ROCK1: variants seen among roughly 807,000 people sequenced by gnomAD.
ROCK1 encodes the protein rho-associated protein kinase 1.
In ROCK1, 36 loss-of-function variants were observed where a neutral mutation model predicts 196.8. The ratio of observed to expected loss-of-function variants is 0.18; its 90% CI spans 0.14 to 0.24. The LOEUF (loss-of-function observed/expected upper bound fraction) is 0.24, where lower values mean the gene tolerates loss of function less well. Among genes scored for constraint, ROCK1 ranks in the 10% least tolerant of loss-of-function variants. The pLI, the probability that ROCK1 is intolerant of heterozygous loss-of-function variation, is 1.00. For synonymous variants in ROCK1, 443 were observed against 515.9 expected (o/e 0.86, Z 1.91); for missense variants, 920 against 1,562.0 (o/e 0.59, Z 6.93).
intron 16 of ROCK1, among the ~76,000 whole-genome samples, chr18:21,002,785 A>G (rs1164317985): frequency 1.3e-5 from 2 of 152,196 alleles, no homozygotes; most frequent in African/African-American, 4.8e-5. Flanking sequence ...TCTGTTGCCC[A>G]GGCTGAAGTA....
Position 20,992,473 on chromosome 18 carries a change from C to T in ROCK1, c.1992+358G>A, listed in dbSNP as rs116590362. 7.3e-3 allele frequency among the ~76,000 whole-genome samples: 1,115 copies of T among 152,300 alleles called. 17 individuals are homozygous for T. Among genetic ancestry groups the T allele is most frequent in the African/African-American group, 0.025 (1,051 of 41,564 alleles). On this transcript the variant is annotated intron_variant, in intron 17 of 32. Transcript: ENST00000399799. ...CAGAACAGGTACTCATCATCTACCACGTACTGATCTGTTGTTTTCCTTCTT... is the reference window on the plus strand; with the variant it reads ...CAGAACAGGTACTCATCATCTACCATGTACTGATCTGTTGTTTTCCTTCTT...
At chr18:20,988,409 C>T (rs1441493973) in intron 18 of ROCK1, among the ~76,000 whole-genome samples, 3 of 152,120 alleles carry the variant, frequency 2.0e-5, no homozygotes, top group Non-Finnish European at 4.4e-5. Context: ...TATACCTCGA[C>T]TTCTTTCCCT....
intron 8 of ROCK1, among the ~76,000 whole-genome samples, chr18:21,041,882 T>A (rs1388445649): frequency 3.3e-5 from 5 of 152,194 alleles, no homozygotes; most frequent in Non-Finnish European, 7.4e-5. Context: ...AGTTTAGCCA[T>A]CAGCCAAGAC....
chr18:21,060,839 CAAA>C (rs930819259), intron 2 of ROCK1, among the ~76,000 whole-genome samples: 124 of 44,778 alleles, frequency 2.8e-3, no homozygotes, highest in African/African-American at 8.6e-3. Context: ...AACTCCATCT[CAAA>C]AAAAAAAAAA....
intron 16 of ROCK1, among the ~76,000 whole-genome samples, chr18:21,003,845 C>T (rs547279175): frequency 1.3e-5 from 2 of 152,104 alleles, no homozygotes; most frequent in East Asian, 1.9e-4. Context: ...ATACATAATG[C>T]AAATATTCTC....
intron 1 of ROCK1, among the ~76,000 whole-genome samples, chr18:21,080,209 T>C (rs2036471519): frequency 6.6e-6 from 1 of 152,094 alleles, no homozygotes; most frequent in African/African-American, 2.4e-5. Flanking sequence ...ATTATAACAG[T>C]TAAACGGCCA....
chr18:21,096,294 G>A (rs371830836), intron 1 of ROCK1, among the ~76,000 whole-genome samples: 18 of 151,442 alleles, frequency 1.2e-4, no homozygotes, highest in Non-Finnish European at 1.9e-4. Context: ...CTGCCCCCCC[G>A]GGTTCAAGCA....
chr18:21,082,997 C>G (rs961083822), intron 1 of ROCK1, among the ~76,000 whole-genome samples: 16 of 152,114 alleles, frequency 1.1e-4, no homozygotes, highest in African/African-American at 3.6e-4. Context: ...CAAATTCAGC[C>G]AAGTTACAGG....
Position 20,948,467 on chromosome 18 carries a change from T to C in ROCK1, c.*2917A>G, listed in dbSNP as rs1568363655. ...TATGAGTTTGTCATTTAAGTTCTTTTACTTATTTTTTTTACTTTAAATGAA... is the reference window on the plus strand; with the variant it reads ...TATGAGTTTGTCATTTAAGTTCTTTCACTTATTTTTTTTACTTTAAATGAA... On this transcript the variant is annotated 3_prime_UTR_variant, in exon 33 of 33. Coordinates refer to ENST00000399799, the MANE Select transcript of ROCK1 (RefSeq NM_005406.3). 6.6e-6 allele frequency: 1 copy of C among 150,834 alleles called. No homozygotes were observed. Among genetic ancestry groups the C allele is most frequent in the Non-Finnish European group, 1.5e-5 (1 of 68,036 alleles). The allele number at this position is 150,834 out of a possible 1,614,324, so 9.3% of individuals were successfully genotyped here.
chr18:20,982,657 G>A, intron 21 of ROCK1, 106 bp downstream of exon 21: 1 of 596,058 alleles, frequency 1.7e-6, no homozygotes, highest in East Asian at 2.9e-5. Context: ...ATTAGAAGAT[G>A]AAGAGTCATT....
intron 2 of ROCK1, among the ~76,000 whole-genome samples, chr18:21,055,368 A>C (rs1275180946): frequency 2.0e-5 from 3 of 150,678 alleles, no homozygotes; most frequent in Non-Finnish European, 4.4e-5. Context: ...CTTCACACAC[A>C]CCTCCCACAG....
rs144164521 is a variant in ROCK1 at position 21,054,683 on chromosome 18, C to T, written c.176-4803G>A. Among the ~76,000 whole-genome samples the T allele has an allele frequency of 3.0e-4, 46 of 152,276 alleles. 1 individual carries two copies. The East Asian group carries it at 8.9e-3, about 29-fold the overall frequency. On this transcript the variant is annotated intron_variant, in intron 2 of 32. Transcript: ENST00000399799. ...TTACTTCCTGATTTACTGAACTTCT[C>T]TCCAATATTCTCCTGTTTTAATTCT... is the stretch of plus-strand genomic sequence containing the variant.
At chr18:20,968,076 A>G in intron 25 of ROCK1, 136 bp from the exon 26 acceptor site, 1 of 795,394 alleles carries the variant, frequency 1.3e-6, no homozygotes, top group East Asian at 2.8e-5. Flanking sequence ...TGGTTGAGAC[A>G]TGATAACTGG....
chr18:20,959,064 T>TA (rs2035286964), intron 29 of ROCK1, among the ~76,000 whole-genome samples: 2 of 45,940 alleles, frequency 4.4e-5, no homozygotes, highest in African/African-American at 3.3e-4. Flanking sequence ...ATATTATATT[T>TA]TATATTATAT....
chr18:21,109,639 G>A (rs778378875), intron 1 of ROCK1, among the ~76,000 whole-genome samples: 4 of 152,062 alleles, frequency 2.6e-5, no homozygotes, highest in Non-Finnish European at 4.4e-5. Context: ...TTATTTCCTG[G>A]TCAGGGATGC....
chr18:21,042,375 G>C, intron 7 of ROCK1, 140 bp from the exon 8 acceptor site: 1 of 979,728 alleles, frequency 1.0e-6, no homozygotes, highest in Non-Finnish European at 1.5e-6. Flanking sequence ...ATATATAAAA[G>C]AACACATCAC....
intron 1 of ROCK1, among the ~76,000 whole-genome samples, chr18:21,090,574 T>A (rs1439759246): frequency 6.6e-6 from 1 of 152,228 alleles, no homozygotes; most frequent in East Asian, 1.9e-4. Flanking sequence ...TATATTTTCA[T>A]ACAGACCTCC....
intron 1 of ROCK1, among the ~76,000 whole-genome samples, chr18:21,098,813 A>G (rs1222767217): frequency 1.3e-5 from 2 of 152,200 alleles, no homozygotes; most frequent in South Asian, 4.1e-4. Flanking sequence ...AACCTTACTC[A>G]TGAGAAGAAC....
At chr18:21,015,874 G>T (rs564728446) in intron 12 of ROCK1, among the ~76,000 whole-genome samples, 2 of 151,830 alleles carry the variant, frequency 1.3e-5, no homozygotes, top group African/African-American at 2.4e-5. Flanking sequence ...CAGCTATTTG[G>T]GAGGCCAAGG....
Sources: gnomAD v4.1 joint callset for allele counts (sites outside exome capture counted in the v4.1 genomes callset) on GRCh38, gnomAD v4.1.1 for gene constraint, MANE v1.5 for transcripts, NCBI Gene and HGNC (gene_info 2026-07-23, HGNC 2026-07-21) for gene names.